The following GPBP1 variants were observed in gnomAD, a reference collection of about 807,000 sequenced individuals.
The protein encoded by GPBP1 is GC-rich promoter binding protein 1.
Under a neutral mutation model 56.5 loss-of-function variants are expected in GPBP1, and 13 were observed. The ratio of observed to expected loss-of-function variants is 0.23; its 90% CI spans 0.15 to 0.37. The LOEUF (loss-of-function observed/expected upper bound fraction) is 0.37, where lower values mean the gene tolerates loss of function less well. Among genes scored for constraint, GPBP1 ranks in the 10% least tolerant of loss-of-function variants. The probability of loss-of-function intolerance (pLI) is 1.00; values close to 1 mark genes in which losing one functional copy is unlikely to be tolerated. For synonymous variants in GPBP1, 204 were observed against 188.9 expected (o/e 1.08, Z -0.66); for missense variants, 477 against 572.3 (o/e 0.83, Z 1.70).
rs190321638 is a variant in GPBP1, at chr5:57,216,447, C to T, written c.63+2254C>T. On this transcript the variant is annotated intron_variant, in intron 3 of 11. Transcript: ENST00000506184. ...TAAAAAACAAAACACCGTGGTCGGG[C>T]GTGGTGGCTCACACCTGTAATCCCA... Among the ~76,000 whole-genome samples, 24 of 152,206 alleles carry T rather than the reference C, an allele frequency of 1.6e-4. 1 individual carries two copies. In the East Asian group the frequency reaches 3.3e-3, roughly 21 times the overall value.
chr5:57,230,731 A>AGGT lies in GPBP1; in HGVS notation c.64-115_64-114insGGT, dbSNP rs1491524593. 4 of 855,754 alleles carry AGGT rather than the reference A, an allele frequency of 4.7e-6. No homozygotes were observed. The African/African-American group carries it at 6.9e-5, about 15-fold the overall frequency. The allele number at this position is 855,754 out of a possible 1,614,324, so 53.0% of individuals were successfully genotyped here. ...ATCAAATACCTTGAAAATAACTGCA[A>AGGT]TATGTTTTTCTTAATCATTTAAAAT... On this transcript the variant is annotated intron_variant, in intron 3 of 11. Coordinates refer to ENST00000506184, the MANE Select transcript of GPBP1 (RefSeq NM_022913.4).
intron 2 of GPBP1, among the ~76,000 whole-genome samples, chr5:57,194,362 T>C (rs896097976): frequency 1.3e-5 from 2 of 152,200 alleles, no homozygotes. Flanking sequence ...CCTTTTTGTT[T>C]GGCATTTTTG....
At chr5:57,205,824 C>T (rs1755209546) in intron 2 of GPBP1, among the ~76,000 whole-genome samples, 1 of 152,090 alleles carries the variant, frequency 6.6e-6, no homozygotes, top group Admixed American at 6.6e-5. Flanking sequence ...AGTGCACTGG[C>T]ACTATCAAGG....
At chr5:57,235,858 T>A in intron 5 of GPBP1, 108 bp from the exon 6 acceptor site, 1 of 797,308 alleles carries the variant, frequency 1.3e-6, no homozygotes, top group Non-Finnish European at 2.1e-6. Context: ...AACCTGTAGC[T>A]AAGAGTTGGT....
chr5:57,200,842 C>T (rs959067060), intron 2 of GPBP1, among the ~76,000 whole-genome samples: 22 of 152,092 alleles, frequency 1.4e-4, no homozygotes, highest in East Asian at 3.9e-4. Context: ...CCACCACGCG[C>T]GGCTAGTTTA....
intron 2 of GPBP1, among the ~76,000 whole-genome samples, chr5:57,186,726 C>T (rs1451349621): frequency 6.6e-6 from 1 of 152,118 alleles, no homozygotes; most frequent in Non-Finnish European, 1.5e-5. Flanking sequence ...TGCCACCACA[C>T]CTGGCTGATT....
intron 6 of GPBP1, among the ~76,000 whole-genome samples, chr5:57,244,512 C>A (rs778860782): frequency 1.3e-5 from 2 of 152,284 alleles, no homozygotes; most frequent in Middle Eastern, 3.4e-3. Flanking sequence ...ATGAGATTAC[C>A]TTTCACATTT....
chr5:57,237,019 T>TG, intron 6 of GPBP1: 2 of 523,098 alleles, frequency 3.8e-6, no homozygotes, highest in Non-Finnish European at 6.3e-6. Context: ...TTTTTGAGGG[T>TG]GGGGGTGGGG....
At chr5:57,212,399 A>G (rs1755527740) in intron 2 of GPBP1, among the ~76,000 whole-genome samples, 1 of 152,208 alleles carries the variant, frequency 6.6e-6, no homozygotes, top group Non-Finnish European at 1.5e-5. Flanking sequence ...CAAGACTTTG[A>G]CATTTAATGC....
intron 9 of GPBP1, among the ~76,000 whole-genome samples, chr5:57,250,626 T>A (rs1000624555): frequency 1.3e-5 from 2 of 148,686 alleles, no homozygotes; most frequent in African/African-American, 4.9e-5. Context: ...CACTGCAACC[T>A]CCACCTCCTA....
At chr5:57,182,660 C>T (rs180833677) in intron 2 of GPBP1, among the ~76,000 whole-genome samples, 241 of 151,770 alleles carry the variant, frequency 1.6e-3, no homozygotes, top group African/African-American at 5.6e-3. Flanking sequence ...CGTGAGCCAC[C>T]GCACTCGGCT....
chr5:57,213,317 C>T (rs573690261), intron 2 of GPBP1, among the ~76,000 whole-genome samples: 52 of 152,304 alleles, frequency 3.4e-4, no homozygotes, highest in Non-Finnish European at 7.3e-4. Context: ...TCCCAAAGTG[C>T]TGGGATGACA....
chr5:57,202,629 C>T (rs566122475), intron 2 of GPBP1, among the ~76,000 whole-genome samples: 5 of 151,982 alleles, frequency 3.3e-5, no homozygotes, highest in South Asian at 4.2e-4. Flanking sequence ...TTTGAACCCT[C>T]GAAGTGATGA....
intron 2 of GPBP1, among the ~76,000 whole-genome samples, chr5:57,180,966 T>C (rs1310776009): frequency 2.0e-5 from 3 of 152,340 alleles, no homozygotes; most frequent in Admixed American, 2.0e-4. Context: ...GGTCTCCAAC[T>C]CCTGATCTCA....
chr5:57,256,692 T>G (rs1741678223), intron 10 of GPBP1, among the ~76,000 whole-genome samples: 1 of 152,192 alleles, frequency 6.6e-6, no homozygotes, highest in Non-Finnish European at 1.5e-5. Flanking sequence ...GATAGTTTTA[T>G]AGAAATGTTG....
intron 3 of GPBP1, among the ~76,000 whole-genome samples, chr5:57,219,402 AACCAAAAACAAACAAAC>A (rs1755841287): frequency 2.0e-5 from 1 of 49,372 alleles, no homozygotes; most frequent in Non-Finnish European, 3.2e-5. Context: ...AAAAAAAAAA[AACCAAAAACAAACAAAC>A]AAAAAAAAAA....
intron 2 of GPBP1, among the ~76,000 whole-genome samples, chr5:57,194,186 GTTTTTGTTTCT>G (rs1208577439): frequency 6.6e-6 from 1 of 152,020 alleles, no homozygotes; most frequent in Admixed American, 6.6e-5. Flanking sequence ...CCTGTTTCTT[GTTTTTGTTTCT>G]TTTTTGCTAT....
At chr5:57,214,556 G>T (rs1309701362) in intron 3 of GPBP1, among the ~76,000 whole-genome samples, 1 of 152,182 alleles carries the variant, frequency 6.6e-6, no homozygotes, top group Non-Finnish European at 1.5e-5. Context: ...TTGCACTCCA[G>T]CCTGGGCAAC....
At position 57,193,178 on chromosome 5, in the gene GPBP1, A is replaced by G. The variant is rs148578802; in HGVS notation, c.-58+16778A>G. On this transcript the variant is annotated intron_variant, in intron 2 of 11. Transcript: ENST00000506184. ...CTAAAAATACAAAAATTAGCTGGGC[A>G]TGGTGGTGGGTGCCTGTAATCCCAG... is the stretch of plus-strand genomic sequence containing the variant. Among the ~76,000 whole-genome samples the G allele has an allele frequency of 4.7e-3, 716 of 152,004 alleles. 8 individuals carry two copies. Among genetic ancestry groups the G allele is most frequent in the African/African-American group, 0.016 (664 of 41,504 alleles).
Sources: allele counts gnomAD v4.1 joint callset (sites outside exome capture counted in the v4.1 genomes callset), GRCh38; gene constraint gnomAD v4.1.1; transcripts MANE v1.5; gene names NCBI Gene and HGNC (gene_info 2026-07-23, HGNC 2026-07-21).